The following CSF1R variants were observed in gnomAD, a reference collection of about 807,000 sequenced individuals.
The protein encoded by CSF1R is colony stimulating factor 1 receptor.
Under a neutral mutation model 110.0 loss-of-function variants are expected in CSF1R, and 40 were observed. The observed-to-expected ratio is 0.36, with a 90% CI of 0.28 to 0.47. The LOEUF is 0.47. Ranked by LOEUF, CSF1R falls within the 20% of genes least tolerant of loss-of-function variation. CSF1R has a pLI of 0.99. For synonymous variants in CSF1R, 523 were observed against 503.4 expected (o/e 1.04, Z -0.52); for missense variants, 1,052 against 1,253.0 (o/e 0.84, Z 2.42).
intron 1 of CSF1R, among the ~76,000 whole-genome samples, chr5:150,082,578 C>T (rs1185192829): frequency 6.6e-6 from 1 of 152,258 alleles, no homozygotes; most frequent in African/African-American, 2.4e-5. Flanking sequence ...AGAGCTGGGG[C>T]TGCCCTATCA....
chr5:150,083,717 C>G (rs1037083393), intron 1 of CSF1R, among the ~76,000 whole-genome samples: 1 of 152,208 alleles, frequency 6.6e-6, no homozygotes, highest in Non-Finnish European at 1.5e-5. Context: ...GAAACTGAGT[C>G]ATGCAAGAAG....
In CSF1R at chr5:150,078,101, C is replaced by G; in HGVS notation, c.729+11G>C. ...TGGCCAGACTTCACCTTGTGATCTG[C>G]AGGGACTGACCTTGGTGTTGTTGTG... is the stretch of plus-strand genomic sequence containing the variant. On this transcript the variant is annotated intron_variant, in intron 4 of 20. Coordinates refer to ENST00000675795, the MANE Select transcript of CSF1R (RefSeq NM_001288705.3). The G allele has an allele frequency of 6.2e-7, 1 of 1,613,940 alleles. No individual in the cohort carries two copies. The highest frequency in any genetic ancestry group is 8.5e-7 in the Non-Finnish European group (1 of 1,179,858).
At chr5:150,080,474 T>C in intron 2 of CSF1R, 138 bp from the exon 3 acceptor site, 1 of 1,201,940 alleles carries the variant, frequency 8.3e-7, no homozygotes, top group East Asian at 2.6e-5. Context: ...GTTCAGCGGA[T>C]GCTTCAGCGT....
chr5:150,095,641 T>C (rs953440387), intron 1 of CSF1R, among the ~76,000 whole-genome samples: 6 of 149,702 alleles, frequency 4.0e-5, no homozygotes, highest in African/African-American at 1.5e-4. Context: ...AAATCCAAAT[T>C]GACCGTAGGA....
At chr5:150,061,466 T>TTCCTCCTCCCCCCCC in intron 12 of CSF1R, 25 bp downstream of exon 12, 1 of 495,774 alleles carries the variant, frequency 2.0e-6, no homozygotes, top group Non-Finnish European at 3.5e-6. Context: ...CCCCATCCCT[T>TTCCTCCTCCCCCCCC]CCCTCATCCC....
intron 3 of CSF1R, among the ~76,000 whole-genome samples, chr5:150,079,368 C>A (rs10077461): frequency 0.19 from 29,312 of 152,212 alleles, 4,491 homozygotes; most frequent in East Asian, 0.55. Flanking sequence ...AGCCCAGGTC[C>A]TCAGGCTGGG....
intron 1 of CSF1R, among the ~76,000 whole-genome samples, chr5:150,102,350 G>A (rs1056686342): frequency 1.3e-5 from 2 of 152,188 alleles, no homozygotes. Flanking sequence ...ATGTTAATTC[G>A]TTGAGGTTTC....
Position 150,054,441 on chromosome 5 carries a change from G to A in CSF1R, c.2655-11C>T, listed in dbSNP as rs1279600410. 1.2e-6 allele frequency: 2 copies of A among 1,603,958 alleles called. No homozygotes were observed. The highest frequency in any genetic ancestry group is 1.3e-5 in the African/African-American group (1 of 74,756). The stretch of plus-strand genomic sequence containing the variant: ...TGCATGATGCTGTATCTGGGAGATA[G>A]GACAGAGGATGCCCATGGGCAGCTC... On this transcript the variant is annotated splice_polypyrimidine_tract_variant and intron_variant, in intron 19 of 20. Transcript: ENST00000675795.
At chr5:150,077,663 G>A (rs1259568187) in intron 4 of CSF1R, among the ~76,000 whole-genome samples, 3 of 152,194 alleles carry the variant, frequency 2.0e-5, no homozygotes. Context: ...GGCAGGTGCA[G>A]TGGGAAGGGA....
chr5:150,059,696 C>G lies in CSF1R; in HGVS notation c.2132+4G>C. On this transcript the variant is annotated splice_donor_region_variant and intron_variant, in intron 14 of 20. Transcript: ENST00000675795. ...CCTTTTTCTTGTCCTTTGCCAGGGG[C>G]TACCTGCGGACATATTTCTTCTCGA... 6.2e-7 allele frequency: 1 copy of G among 1,613,164 alleles called. No individual in the cohort carries two copies. The highest frequency in any genetic ancestry group is 8.5e-7 in the Non-Finnish European group (1 of 1,179,202).
intron 1 of CSF1R, chr5:150,094,313 A>T: frequency 6.3e-7 from 1 of 1,591,698 alleles, no homozygotes; most frequent in Non-Finnish European, 8.5e-7. Context: ...TGGAGGGTGT[A>T]GAAGAGAAGA....
At chr5:150,068,063 T>A (rs937144246) in intron 10 of CSF1R, 152 bp downstream of exon 10, 3 of 626,026 alleles carry the variant, frequency 4.8e-6, no homozygotes, top group Non-Finnish European at 8.5e-6. Flanking sequence ...ACCCAGCAGC[T>A]GACTCATGTT....
chr5:150,098,199 AAT>A (rs949397538), intron 1 of CSF1R, among the ~76,000 whole-genome samples: 4 of 152,108 alleles, frequency 2.6e-5, no homozygotes, highest in South Asian at 2.1e-4. Flanking sequence ...AAAAGAAAAA[AAT>A]AAAAATCAAA....
intron 1 of CSF1R, among the ~76,000 whole-genome samples, chr5:150,083,790 G>C (rs1022324974): frequency 6.6e-6 from 1 of 152,156 alleles, no homozygotes; most frequent in African/African-American, 2.4e-5. Flanking sequence ...CCCACAGGCA[G>C]CTCCTCTATG....
Position 150,056,009 on chromosome 5 carries a change from T to C in CSF1R, c.2554+17A>G, listed in dbSNP as rs763412993. The C allele has an allele frequency of 1.9e-6, 3 of 1,610,882 alleles. No individual in the cohort carries two copies. Among genetic ancestry groups the C allele is most frequent in the Admixed American group, 3.3e-5 (2 of 59,896 alleles). On this transcript the variant is annotated intron_variant, in intron 18 of 20. Transcript: ENST00000675795. ...AGCCAGCCCCAGGCTCTGCCTGGAGTGGGCCCAGTGGCTCACCAAGTGAGA... is the reference window on the plus strand; with the variant it reads ...AGCCAGCCCCAGGCTCTGCCTGGAGCGGGCCCAGTGGCTCACCAAGTGAGA...
At chr5:150,094,280 G>GTT in intron 1 of CSF1R, 12 of 1,452,064 alleles carry the variant, frequency 8.3e-6, no homozygotes, top group Admixed American at 3.8e-5. Context: ...CAGAGCTTCA[G>GTT]TTTTTTTTTC....
intron 1 of CSF1R, among the ~76,000 whole-genome samples, chr5:150,107,832 A>G (rs1385092174): frequency 6.6e-6 from 1 of 152,254 alleles, no homozygotes; most frequent in Non-Finnish European, 1.5e-5. Context: ...ATCCAGTGAG[A>G]CAATAATGCA....
chr5:150,106,572 C>T (rs1759562005), intron 1 of CSF1R, among the ~76,000 whole-genome samples: 1 of 152,134 alleles, frequency 6.6e-6, no homozygotes, highest in Non-Finnish European at 1.5e-5. Context: ...AAGGTTCGAC[C>T]ACACCTATCT....
At chr5:150,078,299 G>A in intron 3 of CSF1R, 51 bp from the exon 4 acceptor site, 3 of 1,604,676 alleles carry the variant, frequency 1.9e-6, no homozygotes, top group Non-Finnish European at 2.6e-6. Flanking sequence ...GAACATGATA[G>A]AGATATTGCT....
Sources: gnomAD v4.1 joint callset for allele counts (sites outside exome capture counted in the v4.1 genomes callset) on GRCh38, gnomAD v4.1.1 for gene constraint, MANE v1.5 for transcripts, NCBI Gene and HGNC (gene_info 2026-07-23, HGNC 2026-07-21) for gene names.